Variants in SLC7A8 observed in about 807,000 individuals in gnomAD.
SLC7A8 encodes solute carrier family 7 member 8, also known as large neutral amino acids transporter small subunit 2.
A neutral mutation model predicts 51.2 loss-of-function variants in SLC7A8; 30 were observed. The ratio of observed to expected loss-of-function variants is 0.59; its 90% confidence interval spans 0.44 to 0.80. The LOEUF (loss-of-function observed/expected upper bound fraction) is 0.80, where lower values mean the gene tolerates loss of function less well. SLC7A8 is among the 30% of genes least tolerant of loss of function. The pLI is 0.00. For missense variants in SLC7A8, 612 were observed against 674.4 expected (o/e 0.91, Z 1.03); for synonymous variants, 257 against 275.8 (o/e 0.93, Z 0.67).
chr14:23,129,572 C>T (rs1340827066), intron 9 of SLC7A8, 78 bp downstream of exon 9: 8 of 1,526,876 alleles, frequency 5.2e-6, no homozygotes, highest in Non-Finnish European at 6.3e-6. Flanking sequence ...CAGCTAAGAA[C>T]AGAGGTGATT....
chr14:23,177,444 C>T (rs28459366), intron 1 of SLC7A8, among the ~76,000 whole-genome samples: 5,219 of 152,348 alleles, frequency 0.034, 341 homozygotes, highest in African/African-American at 0.12. Context: ...CATAAATCTT[C>T]TTCGACCATG....
chr14:23,153,785 A>G (rs1306248769), intron 3 of SLC7A8, among the ~76,000 whole-genome samples: 1 of 152,118 alleles, frequency 6.6e-6, no homozygotes, highest in African/African-American at 2.4e-5. Flanking sequence ...CACCTTTCTC[A>G]GGAGTGGACT....
At chr14:23,139,857 A>G (rs959099590) in intron 5 of SLC7A8, among the ~76,000 whole-genome samples, 2 of 152,156 alleles carry the variant, frequency 1.3e-5, no homozygotes, top group African/African-American at 4.8e-5. Flanking sequence ...AAATTAAAAA[A>G]TTAACTGGGC....
intron 7 of SLC7A8, among the ~76,000 whole-genome samples, chr14:23,132,152 T>C (rs1308757012): frequency 2.0e-5 from 3 of 151,726 alleles, no homozygotes; most frequent in East Asian, 1.9e-4. Flanking sequence ...TACAGGTGTG[T>C]GCCACCATGC....
intron 1 of SLC7A8, among the ~76,000 whole-genome samples, chr14:23,168,474 C>T (rs1304956405): frequency 6.6e-6 from 1 of 152,156 alleles, no homozygotes; most frequent in African/African-American, 2.4e-5. Context: ...CCTTGCCTAG[C>T]AGGAAGTTAT....
intron 3 of SLC7A8, among the ~76,000 whole-genome samples, chr14:23,162,158 A>G (rs1440389207): frequency 2.6e-5 from 4 of 152,040 alleles, no homozygotes; most frequent in African/African-American, 9.7e-5. Context: ...AGTGTCAGGT[A>G]TAAGGAAAGG....
chr14:23,169,235 A>G (rs1383374039), intron 1 of SLC7A8, among the ~76,000 whole-genome samples: 1 of 152,186 alleles, frequency 6.6e-6, no homozygotes, highest in Non-Finnish European at 1.5e-5. Context: ...GCATGCGCCT[A>G]TAGTCCCAGA....
chr14:23,138,081 A>G (rs1186318854), intron 6 of SLC7A8, 57 bp from the exon 7 acceptor site: 37 of 1,593,608 alleles, frequency 2.3e-5, no homozygotes, highest in Non-Finnish European at 7.7e-6. Flanking sequence ...CCGACCCCTC[A>G]GCTCCCACTT....
At chr14:23,145,581 T>C (rs2048787465) in intron 3 of SLC7A8, among the ~76,000 whole-genome samples, 1 of 145,230 alleles carries the variant, frequency 6.9e-6, no homozygotes, top group Non-Finnish European at 1.5e-5. Context: ...GGCAAGTAAA[T>C]GTTTTCATGT....
At chr14:23,180,755 G>C (rs1033323099) in intron 1 of SLC7A8, among the ~76,000 whole-genome samples, 2 of 152,140 alleles carry the variant, frequency 1.3e-5, no homozygotes, top group Non-Finnish European at 2.9e-5. Context: ...AGATGTTAAA[G>C]GAAGAGACAA....
chr14:23,127,186 G>C lies in SLC7A8; in HGVS notation c.1599C>G (p.Pro533=). ...PTKDKDVAGQ[P]QP ...CAGGGAATGGTGGTCCTCAGGGCTGGGGCTGCCCCGCCACGTCCTTGTCCT... is the reference window on the plus strand; with the variant it reads ...CAGGGAATGGTGGTCCTCAGGGCTGCGGCTGCCCCGCCACGTCCTTGTCCT... Residue 533 remains proline (P), a synonymous_variant, in exon 11 of 11, where the codon CCC becomes CCG. Transcript: ENST00000316902. 6.2e-7 allele frequency: 1 copy of C among 1,614,024 alleles called. No individual in the cohort carries two copies. The highest frequency in any genetic ancestry group is 8.5e-7 in the Non-Finnish European group (1 of 1,179,936).
At chr14:23,171,488 G>A (rs758188852) in intron 1 of SLC7A8, among the ~76,000 whole-genome samples, 4 of 152,146 alleles carry the variant, frequency 2.6e-5, no homozygotes, top group Admixed American at 1.3e-4. Flanking sequence ...TTGTCCACAC[G>A]AGAATGTTAC....
intron 4 of SLC7A8, 82 bp downstream of exon 4, chr14:23,142,997 T>C (rs1218255182): frequency 1.3e-6 from 2 of 1,540,494 alleles, no homozygotes; most frequent in Non-Finnish European, 1.8e-6. Context: ...GGGTGTGGCA[T>C]ACTTCCAAAG....
intron 1 of SLC7A8, among the ~76,000 whole-genome samples, chr14:23,168,669 T>C (rs956885812): frequency 6.6e-6 from 1 of 152,200 alleles, no homozygotes; most frequent in African/African-American, 2.4e-5. Context: ...GAGCCAAGAA[T>C]GGCTGTTGCA....
At chr14:23,148,349 C>A (rs747529603) in intron 3 of SLC7A8, among the ~76,000 whole-genome samples, 2 of 152,184 alleles carry the variant, frequency 1.3e-5, no homozygotes, top group Non-Finnish European at 2.9e-5. Flanking sequence ...CTGCCTCAGC[C>A]TCCCAAGTAG....
chr14:23,167,152 C>G (rs1262913478), intron 1 of SLC7A8, among the ~76,000 whole-genome samples: 1 of 152,176 alleles, frequency 6.6e-6, no homozygotes, highest in Non-Finnish European at 1.5e-5. Flanking sequence ...CATGACGGCC[C>G]CACCCTTGGT....
chr14:23,135,882 A>C (rs546498271), intron 7 of SLC7A8, among the ~76,000 whole-genome samples: 2 of 152,300 alleles, frequency 1.3e-5, no homozygotes, highest in African/African-American at 4.8e-5. Context: ...TATGAATATG[A>C]AACTTGAACA....
chr14:23,168,494 G>A (rs559143937), intron 1 of SLC7A8, among the ~76,000 whole-genome samples: 1 of 152,154 alleles, frequency 6.6e-6, no homozygotes, highest in Admixed American at 6.5e-5. Context: ...TCAAAAGAGC[G>A]ATCCATAGGG....
chr14:23,137,901 A>G lies in SLC7A8; in HGVS notation c.1016+20T>C, dbSNP rs1363210299. 2.6e-6 allele frequency: 4 copies of G among 1,559,966 alleles called. No homozygotes were observed. The African/African-American group carries it at 4.1e-5, about 16-fold the overall frequency. On this transcript the variant is annotated intron_variant, in intron 7 of 10. Coordinates refer to ENST00000316902, the MANE Select transcript of SLC7A8 (RefSeq NM_012244.4). Reference sequence around the variant, plus strand: ...CAGCAGAGTGGCCCCTGGCCGGGGAAGGGCCCAGGCAGCACTCACCGAGAG... The same window carrying G: ...CAGCAGAGTGGCCCCTGGCCGGGGAGGGGCCCAGGCAGCACTCACCGAGAG...
Sources: allele counts gnomAD v4.1 joint callset (sites outside exome capture counted in the v4.1 genomes callset), GRCh38; gene constraint gnomAD v4.1.1; transcripts MANE v1.5; gene names NCBI Gene and HGNC (gene_info 2026-07-23, HGNC 2026-07-21).